Variants in ADD3 observed in about 807,000 individuals in gnomAD.
ADD3 encodes the protein gamma-adducin.
Under a neutral mutation model 80.2 loss-of-function variants are expected in ADD3, and 25 were observed. The ratio of observed to expected loss-of-function variants is 0.31; its 90% confidence interval spans 0.23 to 0.44. The LOEUF (loss-of-function observed/expected upper bound fraction) is 0.44. ADD3 is among the 20% of genes least tolerant of loss of function. The probability of loss-of-function intolerance (pLI) is 1.00; values close to 1 mark genes in which losing one functional copy is unlikely to be tolerated. For synonymous variants in ADD3, 284 were observed against 289.6 expected (o/e 0.98, Z 0.20); for missense variants, 829 against 847.5 (o/e 0.98, Z 0.27).
intron 1 of ADD3, among the ~76,000 whole-genome samples, chr10:110,039,395 A>T (rs548177159): frequency 1.6e-4 from 25 of 152,252 alleles, no homozygotes; most frequent in African/African-American, 5.5e-4. Flanking sequence ...ATGAGGAAGG[A>T]GGAGTGTGGC....
chr10:110,134,979 TC>T lies in ADD3; in HGVS notation c.*1365del, dbSNP rs1853488922. ...TAAACCTAGGCTTAATATAGGCGTT[TC>T]CCCTTTCACCCAAGTGATGTCACAG... On this transcript the variant is annotated 3_prime_UTR_variant, in exon 15 of 15. Coordinates refer to ENST00000356080, the MANE Select transcript of ADD3 (RefSeq NM_016824.5). The T allele has an allele frequency of 6.6e-6, 1 of 152,252 alleles. No individual in the cohort carries two copies. The highest frequency in any genetic ancestry group is 1.5e-5 in the Non-Finnish European group (1 of 68,040). 9.4% of individuals were successfully genotyped at this position (152,252 alleles called of 1,614,324 possible). A position where few individuals can be genotyped will look rare whatever the true frequency, so the allele number is the denominator to read the frequency against.
chr10:110,045,183 G>A (rs1050204700), intron 1 of ADD3, among the ~76,000 whole-genome samples: 7 of 152,074 alleles, frequency 4.6e-5, no homozygotes, highest in Admixed American at 2.0e-4. Context: ...GTGAAACCCC[G>A]TCTCTACTAA....
chr10:109,997,745 C>T lies in ADD3; in HGVS notation n.79+1299C>T, dbSNP rs556506978. ...TGCCACTGAAATGTAGTTTCTAAGG[C>T]AAATATTTGAAAGAACACTGATACA... On this transcript the variant is annotated intron_variant and non_coding_transcript_variant, in intron 1 of 5. Transcript: ENST00000468251. 1.4e-4 allele frequency among the ~76,000 whole-genome samples: 21 copies of T among 152,284 alleles called. No homozygotes were observed. The East Asian group carries it at 4.0e-3, about 29-fold the overall frequency.
intron 11 of ADD3, among the ~76,000 whole-genome samples, chr10:110,126,152 A>AGTT (rs1309484374): frequency 5.3e-5 from 8 of 152,198 alleles, no homozygotes; most frequent in Non-Finnish European, 8.8e-5. Context: ...GATGTATTGA[A>AGTT]CATTTTTCTG....
chr10:110,018,507 G>T (rs1343121474), intron 1 of ADD3, among the ~76,000 whole-genome samples: 1 of 121,636 alleles, frequency 8.2e-6, no homozygotes, highest in Non-Finnish European at 1.6e-5. Context: ...TAGCCTGGGT[G>T]ACAAGTGAGA....
rs137863349 is a variant in ADD3 at position 110,080,086 on chromosome 10, A to G, written c.-29-20539A>G. On this transcript the variant is annotated intron_variant, in intron 1 of 14. Coordinates refer to ENST00000356080, the MANE Select transcript of ADD3 (RefSeq NM_016824.5). ...ATAGAAAATTCCCTTACCAACTTCT[A>G]TGTATCAGACTAGGGCTCCAAAACT... Among the ~76,000 whole-genome samples the G allele has an allele frequency of 1.5e-3, 234 of 152,284 alleles. 5 individuals are homozygous for G. The South Asian group carries it at 0.043, about 28-fold the overall frequency.
At chr10:110,081,957 T>A (rs1165492773) in intron 1 of ADD3, among the ~76,000 whole-genome samples, 1 of 152,122 alleles carries the variant, frequency 6.6e-6, no homozygotes, top group Admixed American at 6.5e-5. Flanking sequence ...GTCAAATAGA[T>A]TGTAGTTTGA....
chr10:110,097,824 G>C (rs1284472255), intron 1 of ADD3, among the ~76,000 whole-genome samples: 2 of 150,630 alleles, frequency 1.3e-5, no homozygotes, highest in Admixed American at 1.3e-4. Context: ...ACCCAGGCTG[G>C]AGTGCAGTGG....
chr10:110,122,060 T>C (rs761389373), intron 8 of ADD3, 50 bp from the exon 9 acceptor site: 2 of 1,504,068 alleles, frequency 1.3e-6, no homozygotes, highest in African/African-American at 1.4e-5. Flanking sequence ...AAAATACTCA[T>C]TACAGTCTTT....
intron 2 of ADD3, among the ~76,000 whole-genome samples, chr10:110,108,758 T>A (rs2134016014): frequency 6.6e-6 from 1 of 152,288 alleles, no homozygotes; most frequent in East Asian, 1.9e-4. Context: ...CATGTAAAAA[T>A]GAGTAATAAA....
chr10:110,032,996 C>T (rs1855232328), intron 1 of ADD3, among the ~76,000 whole-genome samples: 1 of 152,132 alleles, frequency 6.6e-6, no homozygotes, highest in Admixed American at 6.5e-5. Context: ...ATAAAAGAGA[C>T]AGTGGCAGCC....
At chr10:110,132,490 C>A in intron 14 of ADD3, 90 bp downstream of exon 14, 1 of 737,364 alleles carries the variant, frequency 1.4e-6, no homozygotes, top group South Asian at 1.7e-5. Context: ...AAGTTGAATA[C>A]CTCATCACAG....
intron 9 of ADD3, 83 bp from the exon 10 acceptor site, chr10:110,123,934 A>G: frequency 1.4e-6 from 2 of 1,381,418 alleles, no homozygotes; most frequent in Non-Finnish European, 2.0e-6. Context: ...CTTTTAAATC[A>G]TTTGTATACA....
chr10:110,125,619 C>T (rs13306108), intron 10 of ADD3: 50 of 340,018 alleles, frequency 1.5e-4, no homozygotes, highest in East Asian at 1.2e-3. Flanking sequence ...TTATGTGAAT[C>T]GTAATGGCAT....
At chr10:110,078,202 A>G (rs1212862704) in intron 1 of ADD3, among the ~76,000 whole-genome samples, 1 of 151,196 alleles carries the variant, frequency 6.6e-6, no homozygotes, top group Admixed American at 6.5e-5. Context: ...TCATAGCAAA[A>G]AGCACTAGCC....
chr10:110,102,490 T>A (rs1332245539), intron 2 of ADD3, among the ~76,000 whole-genome samples: 2 of 152,052 alleles, frequency 1.3e-5, no homozygotes, highest in Non-Finnish European at 2.9e-5. Context: ...GAGTCCGTAG[T>A]CTCATACTTG....
chr10:110,125,513 G>T (rs1290896481), intron 10 of ADD3, among the ~76,000 whole-genome samples: 1 of 151,638 alleles, frequency 6.6e-6, no homozygotes, highest in African/African-American at 2.4e-5. Context: ...GAATGTGAGT[G>T]AATGTGAGAT....
chr10:110,028,792 A>G (rs1854622865), intron 1 of ADD3, among the ~76,000 whole-genome samples: 1 of 152,140 alleles, frequency 6.6e-6, no homozygotes, highest in Non-Finnish European at 1.5e-5. Context: ...TAATAGCATT[A>G]GTAAATGTTT....
At chr10:110,009,849 G>C (rs185796034) in intron 1 of ADD3, among the ~76,000 whole-genome samples, 1 of 152,306 alleles carries the variant, frequency 6.6e-6, no homozygotes, top group African/African-American at 2.4e-5. Context: ...GAGTTCTTGA[G>C]ATAGTTGGTT....
Sources: gnomAD v4.1 joint callset for allele counts (sites outside exome capture counted in the v4.1 genomes callset) on GRCh38, gnomAD v4.1.1 for gene constraint, MANE v1.5 for transcripts, NCBI Gene and HGNC (gene_info 2026-07-23, HGNC 2026-07-21) for gene names.